The following SHANK2 variants were observed in gnomAD, a reference collection of about 807,000 sequenced individuals.
SHANK2 encodes the protein SH3 and multiple ankyrin repeat domains protein 2.
A neutral mutation model predicts 133.7 loss-of-function variants in SHANK2; 43 were observed. That is an observed-to-expected ratio of 0.32 (90% confidence interval 0.25 to 0.41). SHANK2 has a LOEUF of 0.41. Among genes scored for constraint, SHANK2 ranks in the 10% least tolerant of loss-of-function variants. The probability of loss-of-function intolerance (pLI) is 1.00; values close to 1 mark genes in which losing one functional copy is unlikely to be tolerated. For missense variants in SHANK2, 1,994 were observed against 2,235.8 expected (o/e 0.89, Z 2.18); for synonymous variants, 1,017 against 952.8 (o/e 1.07, Z -1.24).
At chr11:71,109,399 G>A (rs1480571469) in intron 6 of SHANK2, among the ~76,000 whole-genome samples, 2 of 152,162 alleles carry the variant, frequency 1.3e-5, no homozygotes, top group African/African-American at 4.8e-5. Context: ...TGAACCCTGT[G>A]ATACATAGGA....
At position 70,487,330 on chromosome 11, in the gene SHANK2, G is replaced by A. The variant is rs1469564129; in HGVS notation, c.2963C>T (p.Pro988Leu). 1 of 1,614,058 alleles carries A rather than the reference G, an allele frequency of 6.2e-7. No homozygotes were observed. Among genetic ancestry groups the A allele is most frequent in the Non-Finnish European group, 8.5e-7 (1 of 1,180,034 alleles). ...GGCGATCTTCCCCACCTCTGAGTAT[G>A]GGTTTTCTGGCATCTGGCCTCTCTT... ...RNKRGQMPEN[P>L]YSEVGKIASK... The change falls in exon 25 of 26, where the codon CCA becomes CTA. Residue 988 changes from proline to leucine, a missense_variant. This residue lies in a region of SHANK2 where 488 missense variants were observed against 642.6 expected (regional missense o/e 0.76). Transcript: ENST00000601538. This position sits in a 1 kb window ranked among gnomAD's most constrained non-coding sequence, Gnocchi z 5.8.
At chr11:71,206,139 T>A (rs1555117948) in intron 2 of SHANK2, among the ~76,000 whole-genome samples, 1 of 152,174 alleles carries the variant, frequency 6.6e-6, no homozygotes, top group Non-Finnish European at 1.5e-5. Context: ...AGTACACATC[T>A]GCCCGTGCTG....
rs1471555760 is a variant in SHANK2 at position 71,234,402 on chromosome 11, T to TAAATAAATAAAA, written c.-112-9607_-112-9606insTTTTATTTATTT. ...ATAAATAAATAAATAAATAAATAAA[T>TAAATAAATAAAA]AACAACAAAATGTTAGCCTGCAGAT... On this transcript the variant is annotated intron_variant, in intron 1 of 25. Coordinates refer to ENST00000601538, the MANE Select transcript of SHANK2 (RefSeq NM_012309.5). Among the ~76,000 whole-genome samples the TAAATAAATAAAA allele has an allele frequency of 8.3e-4, 124 of 148,964 alleles. 5 individuals are homozygous for TAAATAAATAAAA. In the East Asian group the frequency reaches 0.015, roughly 18 times the overall value.
At chr11:71,178,104 G>A (rs1953481612) in intron 2 of SHANK2, among the ~76,000 whole-genome samples, 1 of 152,162 alleles carries the variant, frequency 6.6e-6, no homozygotes, top group Admixed American at 6.5e-5. Context: ...AGAGCGTAGG[G>A]ACTTAAACAG....
intron 17 of SHANK2, among the ~76,000 whole-genome samples, chr11:70,572,610 T>C (rs1277168724): frequency 6.6e-6 from 1 of 152,174 alleles, no homozygotes; most frequent in African/African-American, 2.4e-5. Flanking sequence ...AACATTCCAC[T>C]TCCGGCTTCA....
intron 8 of SHANK2, among the ~76,000 whole-genome samples, chr11:71,081,629 A>C (rs2136004706): frequency 2.0e-5 from 3 of 152,288 alleles, no homozygotes; most frequent in East Asian, 3.9e-4. Flanking sequence ...CTGAAGAGTC[A>C]GGGCTGACTG....
intron 13 of SHANK2, among the ~76,000 whole-genome samples, chr11:70,805,431 G>A (rs1445326393): frequency 2.0e-5 from 3 of 152,308 alleles, no homozygotes; most frequent in Admixed American, 6.5e-5. Flanking sequence ...TTCCTAGAAC[G>A]GGGTTGCTAA....
chr11:70,902,926 G>A (rs1362513518), intron 10 of SHANK2, among the ~76,000 whole-genome samples: 1 of 152,096 alleles, frequency 6.6e-6, no homozygotes, highest in Non-Finnish European at 1.5e-5. Context: ...TTTTTCAACA[G>A]CAGTCACTCT....
chr11:71,131,524 T>G (rs1952307552), intron 3 of SHANK2, among the ~76,000 whole-genome samples: 1 of 152,166 alleles, frequency 6.6e-6, no homozygotes, highest in African/African-American at 2.4e-5. Context: ...AGACTGTATC[T>G]CCAGGCGATT....
intron 11 of SHANK2, among the ~76,000 whole-genome samples, chr11:70,851,623 A>T (rs2135468063): frequency 6.6e-6 from 1 of 152,362 alleles, no homozygotes; most frequent in Non-Finnish European, 1.5e-5. Flanking sequence ...CTCAGACACC[A>T]CAGAACCCTG....
chr11:70,844,286 T>G (rs1363025627), intron 11 of SHANK2, among the ~76,000 whole-genome samples: 1 of 152,190 alleles, frequency 6.6e-6, no homozygotes, highest in South Asian at 2.1e-4. Context: ...AGAGCATGCC[T>G]TGAATAGCAT....
intron 1 of SHANK2, among the ~76,000 whole-genome samples, chr11:71,229,116 T>G (rs535649014): frequency 1.3e-5 from 2 of 152,268 alleles, no homozygotes; most frequent in South Asian, 4.1e-4. Flanking sequence ...CGAAGAAACA[T>G]GAGCCAAGAT....
At chr11:71,091,775 G>A (rs188648482) in intron 8 of SHANK2, among the ~76,000 whole-genome samples, 34 of 152,270 alleles carry the variant, frequency 2.2e-4, no homozygotes, top group African/African-American at 8.2e-4. Context: ...CCTGCTCCCG[G>A]GAGCATCATC....
intron 10 of SHANK2, among the ~76,000 whole-genome samples, chr11:70,911,385 A>C (rs966479144): frequency 2.6e-5 from 4 of 152,134 alleles, no homozygotes; most frequent in African/African-American, 9.7e-5. Flanking sequence ...AAAAACAAAA[A>C]AACAAAAAAC....
At chr11:71,114,159 T>C (rs1565459009) in intron 4 of SHANK2, among the ~76,000 whole-genome samples, 1 of 152,126 alleles carries the variant, frequency 6.6e-6, no homozygotes, top group African/African-American at 2.4e-5. Flanking sequence ...GCTGGGCACT[T>C]TCCCATCTCA....
intron 15 of SHANK2, among the ~76,000 whole-genome samples, chr11:70,673,967 G>T (rs1259395044): frequency 1.3e-5 from 2 of 152,232 alleles, no homozygotes; most frequent in Non-Finnish European, 2.9e-5. Flanking sequence ...CAATGTTGTT[G>T]GTGGGGCCTG....
intron 2 of SHANK2, among the ~76,000 whole-genome samples, chr11:71,218,672 G>A (rs1954469135): frequency 6.6e-6 from 1 of 152,104 alleles, no homozygotes; most frequent in East Asian, 1.9e-4. Flanking sequence ...CATCAGCACA[G>A]AACACCTACA....
chr11:70,707,744 C>T (rs797041532), intron 14 of SHANK2, among the ~76,000 whole-genome samples: 7 of 152,264 alleles, frequency 4.6e-5, no homozygotes, highest in African/African-American at 7.2e-5. Flanking sequence ...GGGAAGCCGT[C>T]GAGTCACGTT....
chr11:70,938,684 C>T (rs1950603560), intron 10 of SHANK2, among the ~76,000 whole-genome samples: 1 of 152,112 alleles, frequency 6.6e-6, no homozygotes, highest in African/African-American at 2.4e-5. Context: ...AATGGGCAGC[C>T]AGCCAAGGAC....
Sources: gnomAD v4.1 joint callset for allele counts (sites outside exome capture counted in the v4.1 genomes callset) on GRCh38, gnomAD v4.1.1 for gene constraint, gnomAD v4.1.1 regional missense constraint, Gnocchi (gnomAD v3.1) non-coding constraint, MANE v1.5 for transcripts, NCBI Gene and HGNC (gene_info 2026-07-23, HGNC 2026-07-21) for gene names.